The following NAV3 variants were observed in gnomAD, a reference collection of about 807,000 sequenced individuals.
NAV3 encodes the protein neuron navigator 3.
In NAV3, 87 loss-of-function variants were observed where a neutral mutation model predicts 244.7. The ratio of observed to expected loss-of-function variants is 0.36; its 90% confidence interval spans 0.30 to 0.42. The LOEUF (loss-of-function observed/expected upper bound fraction) is 0.42, where lower values mean the gene tolerates loss of function less well. Among genes scored for constraint, NAV3 ranks in the 20% least tolerant of loss-of-function variants. The pLI is 1.00. For synonymous variants in NAV3, 1,126 were observed against 1,042.2 expected (o/e 1.08, Z -1.55); for missense variants, 2,663 against 2,893.3 (o/e 0.92, Z 1.83).
chr12:77,692,691 TTCAG>T, intron 2 of NAV3, among the ~76,000 whole-genome samples: 1 of 152,116 alleles, frequency 6.6e-6, no homozygotes, highest in Non-Finnish European at 1.5e-5. Flanking sequence ...TGTTTCATTG[TTCAG>T]TCATTTATTT....
intron 2 of NAV3, among the ~76,000 whole-genome samples, chr12:77,678,783 C>T (rs563390843): frequency 6.6e-6 from 1 of 152,142 alleles, no homozygotes; most frequent in South Asian, 2.1e-4. Flanking sequence ...CCATCTTATA[C>T]CATATGGTAC....
At chr12:77,789,108 C>T (rs1423753937) in intron 2 of NAV3, among the ~76,000 whole-genome samples, 2 of 152,176 alleles carry the variant, frequency 1.3e-5, no homozygotes, top group Non-Finnish European at 2.9e-5. Context: ...TGCCTTAGTT[C>T]AGGCTTTAAT....
Position 77,645,536 on chromosome 12 carries a change from T to TAAAAAAAAAAAAAAAAAAAAAAAAA in NAV3, c.72+73294_72+73295insAAAAAAAAAAAAAAAAAAAAAAAAA, listed in dbSNP as rs756805711. On this transcript the variant is annotated intron_variant, in intron 2 of 8. Coordinates refer to the NAV3 transcript ENST00000550042. ...GAATTCATGGAGAGCTCTCTCTCTC[T>TAAAAAAAAAAAAAAAAAAAAAAAAA]AAAAAAAAAAAAAAAAAAAAAAAAC... Among the ~76,000 whole-genome samples the TAAAAAAAAAAAAAAAAAAAAAAAAA allele has an allele frequency of 1.1e-4, 7 of 63,012 alleles. 1 individual carries two copies. Among genetic ancestry groups the TAAAAAAAAAAAAAAAAAAAAAAAAA allele is most frequent in the African/African-American group, 5.1e-4 (7 of 13,770 alleles). The allele number at this position is 63,012 out of a possible 152,430, so 41.3% of individuals were successfully genotyped here.
Position 78,027,972 on chromosome 12 carries a change from TG to T in NAV3, c.2023+6111del, listed in dbSNP as rs1360388873. Among the ~76,000 whole-genome samples, 122 of 152,214 alleles carry T rather than the reference TG, an allele frequency of 8.0e-4. 1 individual carries two copies. Among genetic ancestry groups the T allele is most frequent in the African/African-American group, 2.3e-3 (95 of 41,494 alleles). ...TTTTTTGTTTTGTTTTGTTTTGTTT[TG>T]TTTTTTTTATAGCACAGAAAGTCAA... On this transcript the variant is annotated intron_variant, in intron 9 of 39. Coordinates refer to ENST00000397909, the MANE Select transcript of NAV3 (RefSeq NM_001024383.2).
chr12:77,709,847 C>T (rs1025392056), intron 2 of NAV3, among the ~76,000 whole-genome samples: 2 of 152,268 alleles, frequency 1.3e-5, no homozygotes, highest in African/African-American at 2.4e-5. Context: ...GGTTTATTTT[C>T]TCTTCCATAT....
In NAV3 at chr12:78,051,206, G is replaced by A. The variant is rs1882708983; in HGVS notation, c.2516+59G>A. On this transcript the variant is annotated intron_variant, in intron 11 of 39. Transcript: ENST00000397909. ...AAGAGGGGAGGTGGTCTACTATAAT[G>A]CATTCACTATAAACAAATGTGTAAG... 2.6e-6 allele frequency: 4 copies of A among 1,529,596 alleles called. No individual in the cohort carries two copies. The Admixed American group carries it at 7.4e-5, about 28-fold the overall frequency. The allele number at this position is 1,529,596 out of a possible 1,614,324, so 94.8% of individuals were successfully genotyped here. A position where few individuals can be genotyped will look rare whatever the true frequency, so the allele number is the denominator to read the frequency against.
intron 1 of NAV3, among the ~76,000 whole-genome samples, chr12:77,852,623 G>C (rs1030378147): frequency 6.6e-6 from 1 of 152,100 alleles, no homozygotes; most frequent in African/African-American, 2.4e-5. Context: ...TTATAAGTTT[G>C]TGAAAACGGC....
intron 2 of NAV3, among the ~76,000 whole-genome samples, chr12:77,638,915 G>A (rs975491508): frequency 6.6e-6 from 1 of 152,252 alleles, no homozygotes; most frequent in East Asian, 1.9e-4. Flanking sequence ...TAGGAAGGAT[G>A]CAGTATTTAT....
chr12:77,709,732 T>A (rs925433763), intron 2 of NAV3, among the ~76,000 whole-genome samples: 1 of 152,222 alleles, frequency 6.6e-6, no homozygotes, highest in African/African-American at 2.4e-5. Flanking sequence ...GCACTCCTTA[T>A]TTGCTGTCTT....
intron 12 of NAV3, among the ~76,000 whole-genome samples, chr12:78,086,955 T>G (rs1309112432): frequency 6.6e-6 from 1 of 151,986 alleles, no homozygotes; most frequent in Non-Finnish European, 1.5e-5. Flanking sequence ...GCCTATGAAG[T>G]CTTTAAAACT....
At chr12:77,998,829 A>C (rs939645637) in intron 7 of NAV3, among the ~76,000 whole-genome samples, 4 of 152,152 alleles carry the variant, frequency 2.6e-5, no homozygotes, top group Non-Finnish European at 5.9e-5. Flanking sequence ...TGAATCCTTA[A>C]CTTCAGTTAA....
At chr12:78,012,263 G>A (rs1875428922) in intron 8 of NAV3, among the ~76,000 whole-genome samples, 1 of 151,734 alleles carries the variant, frequency 6.6e-6, no homozygotes, top group African/African-American at 2.4e-5. Context: ...TTGTCTCCTA[G>A]TCCAAGCCAC....
At position 78,078,375 on chromosome 12, in the gene NAV3, C is replaced by CTTTTTT. The variant is rs71088356; in HGVS notation, c.2636+19293_2636+19298dup. ...AGAGTTGCATTTCACTCTTTCCACTCTTTTTTTTTTTTTTTTTTTTTTTTT... is the reference window on the plus strand; with the variant it reads ...AGAGTTGCATTTCACTCTTTCCACTCTTTTTTTTTTTTTTTTTTTTTTTTTTTTTTT... On this transcript the variant is annotated intron_variant, in intron 12 of 39. Transcript: ENST00000397909. Among the ~76,000 whole-genome samples, 20 of 67,844 alleles carry CTTTTTT rather than the reference C, an allele frequency of 2.9e-4. 4 individuals carry two copies. The highest frequency in any genetic ancestry group is 9.7e-4 in the African/African-American group (16 of 16,564). The allele number at this position is 67,844 out of a possible 152,430, so 44.5% of individuals were successfully genotyped here.
chr12:77,903,387 A>C (rs1885551885), intron 1 of NAV3, among the ~76,000 whole-genome samples: 1 of 152,214 alleles, frequency 6.6e-6, no homozygotes, highest in African/African-American at 2.4e-5. Flanking sequence ...AAAACAAGCA[A>C]TGGGGAAAGG....
intron 1 of NAV3, among the ~76,000 whole-genome samples, chr12:77,897,182 G>A (rs1345317099): frequency 1.3e-5 from 2 of 152,170 alleles, no homozygotes; most frequent in East Asian, 1.9e-4. Flanking sequence ...CAAAGACCAT[G>A]ACTTTTAAAT....
At chr12:78,154,200 AT>A (rs1957187583) in intron 22 of NAV3, among the ~76,000 whole-genome samples, 2 of 116,104 alleles carry the variant, frequency 1.7e-5, no homozygotes, top group Admixed American at 2.0e-4. Flanking sequence ...TATATTATAT[AT>A]ACTCTAGGTA....
At chr12:78,124,038 TAACCA>T (rs1346233581) in intron 16 of NAV3, among the ~76,000 whole-genome samples, 1 of 152,226 alleles carries the variant, frequency 6.6e-6, no homozygotes, top group Non-Finnish European at 1.5e-5. Context: ...ATCAACTTGA[TAACCA>T]AACCAAACAT....
At chr12:78,179,215 T>C (rs1459886763) in intron 28 of NAV3, among the ~76,000 whole-genome samples, 3 of 152,174 alleles carry the variant, frequency 2.0e-5, no homozygotes, top group African/African-American at 7.2e-5. Context: ...TGAAATGTAG[T>C]AATCTATGAC....
At chr12:77,625,626 G>A (rs764025850) in intron 2 of NAV3, among the ~76,000 whole-genome samples, 5 of 152,070 alleles carry the variant, frequency 3.3e-5, no homozygotes, top group African/African-American at 1.2e-4. Flanking sequence ...GCAAAGCCTC[G>A]TCACAGCCTT....
Sources: allele counts gnomAD v4.1 joint callset (sites outside exome capture counted in the v4.1 genomes callset), GRCh38; gene constraint gnomAD v4.1.1; transcripts MANE v1.5; gene names NCBI Gene and HGNC (gene_info 2026-07-23, HGNC 2026-07-21).